Variants in NUDT7 observed in about 807,000 individuals in gnomAD.
NUDT7 encodes nudix hydrolase 7.
In NUDT7, 19 loss-of-function variants were observed where a neutral mutation model predicts 13.1. The observed-to-expected ratio is 1.45, with a 90% CI of 1.01 to 2.13. NUDT7 has a LOEUF of 2.13. NUDT7 is among the 30% of genes most tolerant of loss of function. The probability of loss-of-function intolerance (pLI) is 0.00; values close to 1 mark genes in which losing one functional copy is unlikely to be tolerated. For synonymous variants in NUDT7, 132 were observed against 109.7 expected (o/e 1.20, Z -1.27); for missense variants, 360 against 291.7 (o/e 1.23, Z -1.71).
At chr16:77,724,157 G>A (rs182885476) in intron 1 of NUDT7, among the ~76,000 whole-genome samples, 397 of 152,236 alleles carry the variant, frequency 2.6e-3, no homozygotes, top group Non-Finnish European at 4.4e-3. Context: ...TCCAGTTTCT[G>A]GTGGTTTCTG....
At position 77,741,682 on chromosome 16, in the gene NUDT7, C is replaced by T. The variant is rs373170794; in HGVS notation, c.449C>T (p.Ala150Val). ...AAGGATGTATTCCTGGTGCCTCTGG[C>T]CTATTTCCTGCATCCACAGGTCCAT... ...EVKDVFLVPL[A>V]YFLHPQVHDQ... Residue 150 changes from alanine (A) to valine (V), a missense_variant, in exon 4 of 4, where the codon GCC becomes GTC. By Grantham distance (64) the Ala-to-Val change is moderately conservative (BLOSUM62 0). Coordinates refer to ENST00000268533, the MANE Select transcript of NUDT7 (RefSeq NM_001105663.3). The T allele has an allele frequency of 8.1e-6, 13 of 1,614,034 alleles. No homozygotes were observed. The African/African-American group carries it at 1.2e-4, about 15-fold the overall frequency.
At chr16:77,736,113 C>T in intron 3 of NUDT7, 127 bp downstream of exon 3, 1 of 875,718 alleles carries the variant, frequency 1.1e-6, no homozygotes, top group South Asian at 1.7e-5. Flanking sequence ...AGAACAGGTT[C>T]TCCTACAGAC....
intron 2 of NUDT7, among the ~76,000 whole-genome samples, chr16:77,728,737 A>G (rs968548659): frequency 6.6e-6 from 1 of 152,140 alleles, no homozygotes. Flanking sequence ...TCCACCTTGG[A>G]TAAGGGACTC....
At chr16:77,728,132 C>T (rs11864987) in intron 2 of NUDT7, among the ~76,000 whole-genome samples, 36 of 151,980 alleles carry the variant, frequency 2.4e-4, no homozygotes, top group Non-Finnish European at 3.5e-4. Flanking sequence ...ACAAGCAGGG[C>T]GCTGGTAGGA....
chr16:77,738,919 A>T (rs1395333660), intron 3 of NUDT7, among the ~76,000 whole-genome samples: 2 of 152,262 alleles, frequency 1.3e-5, no homozygotes, highest in African/African-American at 2.4e-5. Flanking sequence ...CCCTTGGGCA[A>T]GTTTCTTCAC....
intron 2 of NUDT7, among the ~76,000 whole-genome samples, chr16:77,726,300 G>A (rs1292914210): frequency 6.6e-6 from 1 of 152,160 alleles, no homozygotes; most frequent in African/African-American, 2.4e-5. Context: ...ATTTCACAGG[G>A]TAACAAATGT....
chr16:77,724,370 T>G (rs890035457), intron 1 of NUDT7, among the ~76,000 whole-genome samples: 15 of 151,942 alleles, frequency 9.9e-5, no homozygotes, highest in African/African-American at 3.6e-4. Flanking sequence ...CAAGTGATCC[T>G]CCCACTTCCG....
intron 1 of NUDT7, among the ~76,000 whole-genome samples, chr16:77,723,104 G>C (rs1182285790): frequency 2.0e-5 from 3 of 151,832 alleles, no homozygotes; most frequent in Admixed American, 1.3e-4. Flanking sequence ...AGAACGGGGT[G>C]GCTGCTACTG....
intron 3 of NUDT7, chr16:77,736,613 C>G: frequency 4.7e-6 from 1 of 212,804 alleles, no homozygotes; most frequent in South Asian, 5.9e-5. Flanking sequence ...GCTGAGATAA[C>G]CACATCTTAT....
intron 3 of NUDT7, chr16:77,736,845 TAAG>T (rs2014503494): frequency 6.4e-6 from 1 of 155,964 alleles, no homozygotes; most frequent in Non-Finnish European, 1.4e-5. Context: ...AATATTGTAT[TAAG>T]AAGTATGATC....
At chr16:77,739,426 C>A (rs112331293) in intron 3 of NUDT7, among the ~76,000 whole-genome samples, 95 of 152,236 alleles carry the variant, frequency 6.2e-4, no homozygotes, top group African/African-American at 2.1e-3. Context: ...CTGACATTGC[C>A]GTGGCATTTG....
chr16:77,729,255 C>T (rs2014237552), intron 2 of NUDT7, among the ~76,000 whole-genome samples: 1 of 152,000 alleles, frequency 6.6e-6, no homozygotes, highest in African/African-American at 2.4e-5. Context: ...ATAGATTTAT[C>T]TTTTTAGATT....
At position 77,725,505 on chromosome 16, in the gene NUDT7, A is replaced by T; in HGVS notation, c.110A>T (p.Tyr37Phe). Residue 37 changes from tyrosine to phenylalanine, a missense_variant, in exon 2 of 4, where the codon TAT (tyrosine) becomes TTT (phenylalanine). Transcript: ENST00000268533. ...DIGGKYSHLPYNKYSVLLPLV... is the reference protein window; with the variant it reads ...DIGGKYSHLPFNKYSVLLPLV... ...GGAGGCAAATATTCTCACTTGCCAT[A>T]TAACAAATACTCCGTCCTTTTGCCA... The T allele has an allele frequency of 1.9e-6, 3 of 1,614,058 alleles. No homozygotes were observed. The highest frequency in any genetic ancestry group is 2.5e-6 in the Non-Finnish European group (3 of 1,179,904).
Position 77,735,873 on chromosome 16 carries a change from G to A in NUDT7, c.235G>A (p.Asp79Asn). Residue 79 changes from aspartate to asparagine, a missense_variant, in exon 3 of 4, where the codon GAC becomes AAC. Asp to Asn is a conservative substitution (Grantham distance 23). Coordinates refer to ENST00000268533, the MANE Select transcript of NUDT7 (RefSeq NM_001105663.3). The stretch of plus-strand genomic sequence containing the variant: ...AGTTTGCTTCCCTGGAGGTAAGCGT[G>A]ACCCTACAGACATGGATGATGCAGC... The part of the protein sequence containing the change: ...GEVCFPGGKR[D>N]PTDMDDAATA... The A allele has an allele frequency of 6.2e-7, 1 of 1,614,044 alleles. No homozygotes were observed. Among genetic ancestry groups the A allele is most frequent in the Non-Finnish European group, 8.5e-7 (1 of 1,179,936 alleles).
At chr16:77,735,756 AGT>A in intron 2 of NUDT7, 70 bp from the exon 3 acceptor site, 3 of 1,361,262 alleles carry the variant, frequency 2.2e-6, no homozygotes, top group Non-Finnish European at 3.1e-6. Context: ...AAGTCCAGTA[AGT>A]ATTTGTTGAA....
intron 3 of NUDT7, among the ~76,000 whole-genome samples, chr16:77,740,370 C>T (rs1287246423): frequency 6.6e-6 from 1 of 152,150 alleles, no homozygotes; most frequent in Non-Finnish European, 1.5e-5. Context: ...CACCCACTTC[C>T]TCTTGGGATG....
At chr16:77,734,503 G>C (rs1046130628) in intron 2 of NUDT7, among the ~76,000 whole-genome samples, 3 of 152,098 alleles carry the variant, frequency 2.0e-5, no homozygotes, top group African/African-American at 7.2e-5. Context: ...GGCACCTGTA[G>C]TCCCAGCTAC....
rs527270665 is a variant in NUDT7 at position 77,722,623 on chromosome 16, G to C, written c.35+6G>C. On this transcript the variant is annotated splice_donor_region_variant and intron_variant, in intron 1 of 3. Coordinates refer to ENST00000268533, the MANE Select transcript of NUDT7 (RefSeq NM_001105663.3). ...CTTCCCGAGGAGCCAGTCAGGTAAA[G>C]GCTTTCCGGGCCCTGGCACCCCGAG... 395 of 1,591,172 alleles carry C rather than the reference G, an allele frequency of 2.5e-4. 2 individuals are homozygous for C. In the South Asian group the frequency reaches 3.8e-3, roughly 15 times the overall value.
At chr16:77,734,451 G>A (rs764678809) in intron 2 of NUDT7, among the ~76,000 whole-genome samples, 11 of 152,178 alleles carry the variant, frequency 7.2e-5, no homozygotes, top group South Asian at 6.2e-4. Flanking sequence ...GTGAAACCCC[G>A]TCTCTACTAA....
Sources: allele counts gnomAD v4.1 joint callset (sites outside exome capture counted in the v4.1 genomes callset), GRCh38; gene constraint gnomAD v4.1.1; transcripts MANE v1.5; gene names NCBI Gene and HGNC (gene_info 2026-07-23, HGNC 2026-07-21).